Variants in TSHZ2 observed in about 807,000 individuals in gnomAD.
TSHZ2 encodes the protein teashirt zinc finger homeobox 2.
A neutral mutation model predicts 74.4 loss-of-function variants in TSHZ2; 21 were observed. The observed-to-expected ratio is 0.28, with a 90% confidence interval of 0.20 to 0.41. The LOEUF (loss-of-function observed/expected upper bound fraction) is 0.41. TSHZ2 is among the 10% of genes least tolerant of loss of function. TSHZ2 has a pLI of 1.00. For synonymous variants in TSHZ2, 540 were observed against 515.3 expected, an observed-to-expected ratio of 1.05 and a Z score of -0.65; for missense variants, 1,244 against 1,293.5, an observed-to-expected ratio of 0.96 and a Z score of 0.59.
chr20:53,216,305 T>C (rs1003182834), intron 1 of TSHZ2, among the ~76,000 whole-genome samples: 1 of 152,188 alleles, frequency 6.6e-6, no homozygotes, highest in African/African-American at 2.4e-5. Context: ...TGTTGGCTCC[T>C]AAGCATTTCA....
intron 1 of TSHZ2, among the ~76,000 whole-genome samples, chr20:53,009,103 AGGAT>A (rs1982758762): frequency 6.6e-6 from 1 of 150,818 alleles, no homozygotes; most frequent in African/African-American, 2.4e-5. Flanking sequence ...CCAAAGTAGG[AGGAT>A]TGCTTGAGCC....
intron 1 of TSHZ2, among the ~76,000 whole-genome samples, chr20:53,159,628 A>G (rs562943713): frequency 5.3e-5 from 8 of 151,690 alleles, no homozygotes; most frequent in African/African-American, 1.7e-4. Flanking sequence ...TGTTTTTTCA[A>G]TGAATGATTT....
chr20:53,068,407 G>C (rs572295949), intron 1 of TSHZ2, among the ~76,000 whole-genome samples: 19 of 152,108 alleles, frequency 1.2e-4, no homozygotes, highest in African/African-American at 4.6e-4. Context: ...TTGAATTGCT[G>C]TGCCACTTCC....
chr20:53,266,773 T>A (rs901957394), intron 2 of TSHZ2, among the ~76,000 whole-genome samples: 234 of 13,342 alleles, frequency 0.018, no homozygotes, highest in African/African-American at 0.14. Flanking sequence ...CGATCGACGA[T>A]TTTTTTTTTT....
intron 1 of TSHZ2, among the ~76,000 whole-genome samples, chr20:53,176,989 G>A (rs1988358604): frequency 6.6e-6 from 1 of 151,974 alleles, no homozygotes; most frequent in African/African-American, 2.4e-5. Context: ...CCAGCCAGAA[G>A]TTGTATTTCT....
At position 53,256,103 on chromosome 20, in the gene TSHZ2, G is replaced by A. The variant is rs1990474720; in HGVS notation, c.2645G>A (p.Arg882His). ...CTGTCTGATCTGGGCCCACAAGAGC[G>A]TATGCAAATCTCTAAGTTTACGGGA... ...YLLSDLGPQE[R>H]MQISKFTGLS... Residue 882 changes from arginine (R) to histidine (H), a missense_variant, in exon 2 of 3, where the codon CGT becomes CAT. Transcript: ENST00000371497. This position sits in a 1 kb window ranked among gnomAD's most constrained non-coding sequence, Gnocchi z 4.3. The A allele has an allele frequency of 1.9e-6, 3 of 1,614,130 alleles. No individual in the cohort carries two copies. The highest frequency in any genetic ancestry group is 4.5e-5 in the East Asian group (2 of 44,886).
At chr20:53,242,824 G>A (rs1212333074) in intron 1 of TSHZ2, among the ~76,000 whole-genome samples, 1 of 152,100 alleles carries the variant, frequency 6.6e-6, no homozygotes, top group East Asian at 1.9e-4. Context: ...TTCACTTATG[G>A]GTCCAATCAT....
intron 1 of TSHZ2, among the ~76,000 whole-genome samples, chr20:53,242,621 A>G (rs1990097487): frequency 6.7e-6 from 1 of 149,460 alleles, no homozygotes; most frequent in South Asian, 2.1e-4. Flanking sequence ...TACTTCCCAT[A>G]GGGAGTAACC....
chr20:53,141,696 C>T (rs1158007606), intron 1 of TSHZ2, among the ~76,000 whole-genome samples: 1 of 152,216 alleles, frequency 6.6e-6, no homozygotes, highest in Non-Finnish European at 1.5e-5. Flanking sequence ...CCGGGCCCTC[C>T]CTGGTGGAGT....
chr20:53,339,946 G>T (rs1318224420), intron 2 of TSHZ2, among the ~76,000 whole-genome samples: 1 of 152,166 alleles, frequency 6.6e-6, no homozygotes, highest in Non-Finnish European at 1.5e-5. Context: ...ATCCCAATGT[G>T]TGTCTGCTCA....
chr20:53,013,051 A>C (rs947965460), intron 1 of TSHZ2, among the ~76,000 whole-genome samples: 1 of 152,208 alleles, frequency 6.6e-6, no homozygotes, highest in African/African-American at 2.4e-5. Flanking sequence ...CTTGATAAAA[A>C]ATTCACTATA....
chr20:53,243,507 G>C (rs981677326), intron 1 of TSHZ2, among the ~76,000 whole-genome samples: 7 of 152,246 alleles, frequency 4.6e-5, no homozygotes, highest in African/African-American at 1.7e-4. Context: ...CTAAGTGTGA[G>C]GAATGGAAAT....
At chr20:53,036,062 T>C (rs1983806769) in intron 1 of TSHZ2, among the ~76,000 whole-genome samples, 1 of 152,212 alleles carries the variant, frequency 6.6e-6, no homozygotes, top group Admixed American at 6.5e-5. Context: ...AAAATTTTCC[T>C]CTAACTCAAT....
chr20:53,473,634 G>A (rs1985900105), intron 2 of TSHZ2, among the ~76,000 whole-genome samples: 1 of 150,682 alleles, frequency 6.6e-6, no homozygotes, highest in Non-Finnish European at 1.5e-5. Flanking sequence ...TTCCTCACCA[G>A]CAACGGAACA....
intron 2 of TSHZ2, among the ~76,000 whole-genome samples, chr20:53,263,302 T>C (rs1232174893): frequency 6.6e-6 from 1 of 152,162 alleles, no homozygotes; most frequent in Non-Finnish European, 1.5e-5. Context: ...GACACAAATT[T>C]CCCTTAAAAC....
At chr20:53,200,103 C>T (rs948914113) in intron 1 of TSHZ2, among the ~76,000 whole-genome samples, 3 of 152,154 alleles carry the variant, frequency 2.0e-5, no homozygotes, top group Admixed American at 1.3e-4. Context: ...AACACCAAGA[C>T]GCTTTGCCAG....
chr20:53,012,507 G>A (rs566412984), intron 1 of TSHZ2, among the ~76,000 whole-genome samples: 49 of 152,228 alleles, frequency 3.2e-4, no homozygotes, highest in African/African-American at 1.2e-3. Flanking sequence ...TTTAAAGCTT[G>A]GGAAGTTTAG....
chr20:53,240,810 T>C (rs1990051478), intron 1 of TSHZ2, among the ~76,000 whole-genome samples: 2 of 151,944 alleles, frequency 1.3e-5, no homozygotes, highest in Non-Finnish European at 2.9e-5. Context: ...ATAAGTGTGG[T>C]CTGAGAACTG....
At chr20:53,447,243 C>A (rs1242360877) in intron 2 of TSHZ2, among the ~76,000 whole-genome samples, 1 of 152,088 alleles carries the variant, frequency 6.6e-6, no homozygotes, top group East Asian at 1.9e-4. Context: ...TCCAAGAATT[C>A]CTCCACGAAT....
Sources: allele counts gnomAD v4.1 joint callset (sites outside exome capture counted in the v4.1 genomes callset), GRCh38; gene constraint gnomAD v4.1.1; non-coding constraint Gnocchi (gnomAD v3.1); transcripts MANE v1.5; gene names NCBI Gene and HGNC (gene_info 2026-07-23, HGNC 2026-07-21).